The following GPRASP1 variants were observed in gnomAD, a reference collection of about 807,000 sequenced individuals.
GPRASP1 encodes the protein G protein-coupled receptor associated sorting protein 1.
Under a neutral mutation model 68.4 loss-of-function variants are expected in GPRASP1, and 28 were observed. The observed-to-expected ratio is 0.41, with a 90% CI of 0.30 to 0.56. The LOEUF (loss-of-function observed/expected upper bound fraction) is 0.56, where lower values mean the gene tolerates loss of function less well. GPRASP1 is among the 20% of genes least tolerant of loss of function. The probability of loss-of-function intolerance (pLI) is 0.29; values close to 1 mark genes in which losing one functional copy is unlikely to be tolerated. For synonymous variants in GPRASP1, 304 were observed against 358.2 expected, an observed-to-expected ratio of 0.85 and a Z score of 1.71; for missense variants, 913 against 1,031.5, an observed-to-expected ratio of 0.89 and a Z score of 1.57.
At chrX:102,653,379 G>A (rs1473640366) in intron 5 of GPRASP1, 81 bp downstream of exon 5, 1 of 114,108 alleles carries the variant, frequency 8.8e-6, no homozygotes, top group Non-Finnish European at 1.8e-5. Context: ...TCCAATCTGG[G>A]GACTTCTTGG....
rs867655632 is a variant in GPRASP1, at chrX:102,658,075, G to A, written c.4162G>A (p.Asp1388Asn). ...ELQGKTDNQN[D>N]PEGDQEN Reference sequence around the variant, plus strand: ...GCAAGGCAAAACAGACAATCAAAATGACCCTGAAGGGGACCAAGAAAATTA... The same window carrying A: ...GCAAGGCAAAACAGACAATCAAAATAACCCTGAAGGGGACCAAGAAAATTA... Residue 1388 changes from aspartate to asparagine, a missense_variant, in exon 6 of 6, where the codon GAC (aspartate) becomes AAC (asparagine). Physicochemically the swap from Asp to Asn is conservative, Grantham distance 23. Transcript: ENST00000537097. 14 of 1,127,120 alleles carry A rather than the reference G, an allele frequency of 1.2e-5. No homozygotes were observed. The African/African-American group carries it at 2.6e-4, about 21-fold the overall frequency. 92.9% of individuals were successfully genotyped at this position (1,127,120 alleles called of 1,213,427 possible). A position where few individuals can be genotyped will look rare whatever the true frequency, so the allele number is the denominator to read the frequency against.
In GPRASP1 at chrX:102,657,757, C is replaced by T. The variant is rs2081430190; in HGVS notation, c.3844C>T (p.Leu1282Phe). 1 of 1,204,630 alleles carries T rather than the reference C, an allele frequency of 8.3e-7. No individual in the cohort carries two copies. Among genetic ancestry groups the T allele is most frequent in the Non-Finnish European group, 1.1e-6 (1 of 889,047 alleles). ...TLVANYMSGF[L>F]SLLATGNAKT... ...GGTTGCCAATTATATGTCTGGGTTT[C>T]TCTCCTTATTAGCTACAGGCAATGC... The change falls in exon 6 of 6, where the codon CTC (leucine) becomes TTC (phenylalanine). Residue 1282 changes from leucine (L) to phenylalanine (F), a missense_variant. By Grantham distance (22) the Leu-to-Phe change is conservative (BLOSUM62 0). Coordinates refer to ENST00000537097, the MANE Select transcript of GPRASP1 (RefSeq NM_001184727.2).
In GPRASP1 at chrX:102,656,498, T is replaced by C. The variant is rs1275310866; in HGVS notation, c.2585T>C (p.Phe862Ser). Residue 862 changes from phenylalanine to serine, a missense_variant, in exon 6 of 6, where the codon TTT becomes TCT. By Grantham distance (155) the Phe-to-Ser change is radical. Coordinates refer to ENST00000537097, the MANE Select transcript of GPRASP1 (RefSeq NM_001184727.2). Reference sequence around the variant, plus strand: ...CCGGAGGCAGTGGCAGGAGTCGGCTTTGAGTCAAAGCCTGGGACTGAGGAG... The same window carrying C: ...CCGGAGGCAGTGGCAGGAGTCGGCTCTGAGTCAAAGCCTGGGACTGAGGAG... ...ASPEAVAGVG[F>S]ESKPGTEEEE... The C allele has an allele frequency of 8.3e-7, 1 of 1,210,579 alleles. No homozygotes were observed. The highest frequency in any genetic ancestry group is 1.8e-5 in the South Asian group (1 of 56,902).
Position 102,655,502 on chromosome X carries a change from T to C in GPRASP1, c.1589T>C (p.Val530Ala), listed in dbSNP as rs765872219. Residue 530 changes from valine to alanine, a missense_variant, in exon 6 of 6, where the codon GTG becomes GCG. By Grantham distance (64) the Val-to-Ala change is moderately conservative. Coordinates refer to ENST00000537097, the MANE Select transcript of GPRASP1 (RefSeq NM_001184727.2). ...TTCTGGGTCATTGATGCGGCCAGTG[T>C]GGAATCTGGTGTTGGGGTCAGCTGT... is the stretch of plus-strand genomic sequence containing the variant. Reference protein sequence around the residue: ...SWFWVIDAASVESGVGVSCES... With the variant: ...SWFWVIDAASAESGVGVSCES... 3 of 1,209,077 alleles carry C rather than the reference T, an allele frequency of 2.5e-6. No homozygotes were observed. Among genetic ancestry groups the C allele is most frequent in the Non-Finnish European group, 3.4e-6 (3 of 894,964 alleles).
rs376026935 is a variant in GPRASP1, at chrX:102,656,628, C to A, written c.2715C>A (p.Thr905=). The change falls in exon 6 of 6, where the codon ACC becomes ACA. Residue 905 remains threonine (T), a synonymous_variant. Transcript: ENST00000537097. ...TGGAGTCAGAGACTGAAGAGGAAAC[C>A]ATTTTTGGGTCCTGGTTCTGGGATG... ...EEMESETEEE[T]IFGSWFWDGK... is the part of the protein sequence containing the mutation. 2.2e-5 allele frequency: 26 copies of A among 1,207,906 alleles called. No homozygotes were observed. The African/African-American group carries it at 3.0e-4, about 14-fold the overall frequency.
Position 102,657,832 on chromosome X carries a change from C to G in GPRASP1, c.3919C>G (p.Leu1307Val). The change falls in exon 6 of 6, where the codon CTT becomes GTT. Residue 1307 changes from leucine to valine, a missense_variant. By Grantham distance (32) the Leu-to-Val change is conservative. Coordinates refer to ENST00000537097, the MANE Select transcript of GPRASP1 (RefSeq NM_001184727.2). Reference protein sequence around the residue: ...LKMLLNLSENLFMTKELLSAE... With the variant: ...LKMLLNLSENVFMTKELLSAE... ...AATGCTACTGAATTTGTCTGAAAAT[C>G]TTTTCATGACAAAAGAACTACTCAG... 1 of 1,202,795 alleles carries G rather than the reference C, an allele frequency of 8.3e-7. No homozygotes were observed. The highest frequency in any genetic ancestry group is 3.0e-5 in the East Asian group (1 of 33,795).
Position 102,655,165 on chromosome X carries a change from G to A in GPRASP1, c.1252G>A (p.Ala418Thr), listed in dbSNP as rs1391651244. 2.5e-6 allele frequency: 3 copies of A among 1,211,905 alleles called. No individual in the cohort carries two copies. The highest frequency in any genetic ancestry group is 3.3e-6 in the Non-Finnish European group (3 of 895,544). Residue 418 changes from alanine (A) to threonine (T), a missense_variant, in exon 6 of 6, where the codon GCA (alanine) becomes ACA (threonine). Coordinates refer to ENST00000537097, the MANE Select transcript of GPRASP1 (RefSeq NM_001184727.2). ...CTGGGCTACAGACGAGTCCAGCATG[G>A]CAGATGAAGCCAGCATAGAGTCCAG... ...WFWATDESSM[A>T]DEASIESSLQ...
In GPRASP1 at chrX:102,656,814, C is replaced by T; in HGVS notation, c.2901C>T (p.Ala967=). ...CESKPENEEG[A]IVGSWFEAED... Reference sequence around the variant, plus strand: ...CCAAGCCAGAAAATGAGGAAGGGGCCATTGTTGGGTCTTGGTTTGAGGCTG... The same window carrying T: ...CCAAGCCAGAAAATGAGGAAGGGGCTATTGTTGGGTCTTGGTTTGAGGCTG... The change falls in exon 6 of 6, where the codon GCC becomes GCT. Residue 967 remains alanine, a synonymous_variant. Transcript: ENST00000537097. 8.3e-7 allele frequency: 1 copy of T among 1,210,502 alleles called. No individual in the cohort carries two copies. The highest frequency in any genetic ancestry group is 1.1e-6 in the Non-Finnish European group (1 of 894,883).
Position 102,658,006 on chromosome X carries a change from C to T in GPRASP1, c.4093C>T (p.Leu1365Phe). ...TGATGATGATTTCAATATTGAGCCG[C>T]TTATTTCTGCATTCCACAAAGTTGA... ...FSDDDFNIEP[L>F]ISAFHKVEKF... Residue 1365 changes from leucine (L) to phenylalanine (F), a missense_variant, in exon 6 of 6, where the codon CTT becomes TTT. Physicochemically the swap from Leu to Phe is conservative, Grantham distance 22. Transcript: ENST00000537097. 8.4e-7 allele frequency: 1 copy of T among 1,197,551 alleles called. No homozygotes were observed. Among genetic ancestry groups the T allele is most frequent in the Non-Finnish European group, 1.1e-6 (1 of 883,394 alleles).
In GPRASP1 at chrX:102,657,067, T is replaced by G. The variant is rs373999623; in HGVS notation, c.3154T>G (p.Phe1052Val). 2.5e-6 allele frequency: 3 copies of G among 1,209,616 alleles called. No homozygotes were observed. The highest frequency in any genetic ancestry group is 3.4e-6 in the Non-Finnish European group (3 of 894,913). Reference sequence around the variant, plus strand: ...GAGTTGGGAGGAGGTCACTGTTCAGTTCAAGCCTGGTCCATGGGGTAGGGT... The same window carrying G: ...GAGTTGGGAGGAGGTCACTGTTCAGGTCAAGCCTGGTCCATGGGGTAGGGT... ...PQSWEEVTVQ[F>V]KPGPWGRVGF... is the part of the protein sequence containing the mutation. The change falls in exon 6 of 6, where the codon TTC becomes GTC. Residue 1052 changes from phenylalanine to valine, a missense_variant. Phe to Val is a conservative substitution (Grantham distance 50). Coordinates refer to ENST00000537097, the MANE Select transcript of GPRASP1 (RefSeq NM_001184727.2).
At position 102,657,842 on chromosome X, in the gene GPRASP1, CAAAA is replaced by C. The variant is rs1485360694; in HGVS notation, c.3930_3933del (p.Lys1311AsnfsTer12). ...AATTTGTCTGAAAATCTTTTCATGA[CAAAA>C]GAACTACTCAGTGCTGAAGCAGTGT... On this transcript the variant is annotated frameshift_variant, in exon 6 of 6. Transcript: ENST00000537097. LOFTEE classifies it high-confidence loss of function. The C allele has an allele frequency of 8.4e-7, 1 of 1,196,529 alleles. No homozygotes were observed. The highest frequency in any genetic ancestry group is 2.2e-5 in the Admixed American group (1 of 45,903).
In GPRASP1 at chrX:102,655,353, G is replaced by T. The variant is rs1003538240; in HGVS notation, c.1440G>T (p.Gly480=). 1 of 1,211,278 alleles carries T rather than the reference G, an allele frequency of 8.3e-7. No individual in the cohort carries two copies. The highest frequency in any genetic ancestry group is 3.0e-5 in the East Asian group (1 of 33,839). ...GGGAAAAGACCAGTATGAAAACTGG[G>T]GCTGAGGCCACCTCTGAATCTATAC... The part of the protein sequence containing the change: ...GAREKTSMKT[G]AEATSESILA... Residue 480 remains glycine (G), a synonymous_variant, in exon 6 of 6, where the codon GGG becomes GGT. Coordinates refer to ENST00000537097, the MANE Select transcript of GPRASP1 (RefSeq NM_001184727.2).
In GPRASP1 at chrX:102,657,332, C is replaced by G. The variant is rs2081423190; in HGVS notation, c.3419C>G (p.Ser1140Ter). ...AAGGAGAGTACAGAGCCTGAGAGTT[C>G]ATCCTGTAACTGCATACAATGTGAG... ...RAKESTEPES[S>*]SCNCIQCELK... is the part of the protein sequence containing the mutation. The change falls in exon 6 of 6, where the codon TCA (serine) becomes TGA (stop). Residue 1140 changes from serine to a stop codon, truncating the protein, a stop_gained. Coordinates refer to ENST00000537097, the MANE Select transcript of GPRASP1 (RefSeq NM_001184727.2). LOFTEE classifies it high-confidence loss of function. 4.1e-6 allele frequency: 5 copies of G among 1,209,167 alleles called. No individual in the cohort carries two copies. In the Admixed American group the frequency reaches 1.1e-4, roughly 26 times the overall value.
chrX:102,655,153 G>A lies in GPRASP1; in HGVS notation c.1240G>A (p.Glu414Lys). ...LIGTWFWATD[E>K]SSMADEASIE... ...TGGGACCTGGTTCTGGGCTACAGACGAGTCCAGCATGGCAGATGAAGCCAG... is the reference window on the plus strand; with the variant it reads ...TGGGACCTGGTTCTGGGCTACAGACAAGTCCAGCATGGCAGATGAAGCCAG... The change falls in exon 6 of 6, where the codon GAG becomes AAG. Residue 414 changes from glutamate to lysine, a missense_variant. Glu to Lys is a moderately conservative substitution (Grantham distance 56, BLOSUM62 1). Transcript: ENST00000537097. 2 of 1,211,932 alleles carry A rather than the reference G, an allele frequency of 1.7e-6. No homozygotes were observed. The highest frequency in any genetic ancestry group is 2.2e-6 in the Non-Finnish European group (2 of 895,501).
rs2081401705 is a variant in GPRASP1 at position 102,655,597 on chromosome X, A to G, written c.1684A>G (p.Ile562Val). The change falls in exon 6 of 6, where the codon ATA becomes GTA. Residue 562 changes from isoleucine (I) to valine (V), a missense_variant. Coordinates refer to ENST00000537097, the MANE Select transcript of GPRASP1 (RefSeq NM_001184727.2). ...PWFWSGEQVD[I>V]EAGIGEEARP... ...GTTTTGGTCTGGAGAACAAGTTGATATAGAGGCTGGAATCGGAGAAGAGGC... is the reference window on the plus strand; with the variant it reads ...GTTTTGGTCTGGAGAACAAGTTGATGTAGAGGCTGGAATCGGAGAAGAGGC... The G allele has an allele frequency of 8.3e-7, 1 of 1,209,143 alleles. No homozygotes were observed. Among genetic ancestry groups the G allele is most frequent in the Admixed American group, 2.2e-5 (1 of 45,704 alleles).
chrX:102,657,550 A>G lies in GPRASP1; in HGVS notation c.3637A>G (p.Arg1213Gly). 8.3e-7 allele frequency: 1 copy of G among 1,212,112 alleles called. No individual in the cohort carries two copies. Among genetic ancestry groups the G allele is most frequent in the Non-Finnish European group, 1.1e-6 (1 of 895,577 alleles). The change falls in exon 6 of 6, where the codon AGA becomes GGA. Residue 1213 changes from arginine to glycine, a missense_variant. Arg to Gly is a moderately radical substitution (Grantham distance 125). Transcript: ENST00000537097. ...TLLNYPSSRV[R>G]TSFLENMIRM... ...GCTTAATTATCCGTCCTCCCGAGTT[A>G]GAACAAGTTTTTTGGAAAATATGAT...
chrX:102,655,059 G>C lies in GPRASP1; in HGVS notation c.1146G>C (p.Lys382Asn), dbSNP rs1293365775. The change falls in exon 6 of 6, where the codon AAG becomes AAC. Residue 382 changes from lysine (K) to asparagine (N), a missense_variant. Physicochemically the swap from Lys to Asn is moderately conservative, Grantham distance 94 (BLOSUM62 0). Coordinates refer to ENST00000537097, the MANE Select transcript of GPRASP1 (RefSeq NM_001184727.2). ...KKEARARAMT[K>N]EEAKTKARAR... The stretch of plus-strand genomic sequence containing the variant: ...AGGCCAGGGCCAGAGCAATGACAAA[G>C]GAAGAGGCCAAAACCAAGGCCCGAG... 2.5e-6 allele frequency: 3 copies of C among 1,210,898 alleles called. No homozygotes were observed. The highest frequency in any genetic ancestry group is 3.4e-6 in the Non-Finnish European group (3 of 895,353).
Position 102,655,569 on chromosome X carries a change from C to G in GPRASP1, c.1656C>G (p.Pro552=), listed in dbSNP as rs1369942464. The G allele has an allele frequency of 5.0e-6, 6 of 1,208,865 alleles. No individual in the cohort carries two copies. Among genetic ancestry groups the G allele is most frequent in the Non-Finnish European group, 6.7e-6 (6 of 894,728 alleles). The change falls in exon 6 of 6, where the codon CCC becomes CCG. Residue 552 remains proline, a synonymous_variant. Coordinates refer to ENST00000537097, the MANE Select transcript of GPRASP1 (RefSeq NM_001184727.2). ...CTGAGGAAGAAGAGGTCATTGGTCC[C>G]TGGTTTTGGTCTGGAGAACAAGTTG... is the stretch of plus-strand genomic sequence containing the variant. ...TRSEEEEVIG[P]WFWSGEQVDI...
chrX:102,653,894 C>T lies in GPRASP1; in HGVS notation c.-20C>T. ...ACTGGGGGAGGAGTATAGTACTGGA[C>T]TTTCTTTGTAACTTGTACCATGACT... On this transcript the variant is annotated 5_prime_UTR_variant, in exon 6 of 6. Coordinates refer to ENST00000537097, the MANE Select transcript of GPRASP1 (RefSeq NM_001184727.2). 1 of 1,176,851 alleles carries T rather than the reference C, an allele frequency of 8.5e-7. No individual in the cohort carries two copies. The highest frequency in any genetic ancestry group is 2.2e-5 in the Admixed American group (1 of 45,001).
Sources: gnomAD v4.1 joint callset for allele counts on GRCh38, gnomAD v4.1.1 for gene constraint, MANE v1.5 for transcripts, NCBI Gene and HGNC (gene_info 2026-07-23, HGNC 2026-07-21) for gene names.